The following CSGALNACT1 variants were observed in gnomAD, a reference collection of about 807,000 sequenced individuals.
CSGALNACT1 encodes beta4GalNAcT-1.
CSGALNACT1 carries 52 observed loss-of-function variants against 51.0 expected under a neutral mutation model. The ratio of observed to expected loss-of-function variants is 1.02; its 90% CI spans 0.82 to 1.29. The LOEUF (loss-of-function observed/expected upper bound fraction) is 1.29. CSGALNACT1 is among the 50% of genes most tolerant of loss of function. The probability of loss-of-function intolerance (pLI) is 0.00; values close to 1 mark genes in which losing one functional copy is unlikely to be tolerated. For synonymous variants in CSGALNACT1, 341 were observed against 254.4 expected (o/e 1.34, Z -3.24); for missense variants, 935 against 679.2 (o/e 1.38, Z -4.19).
intron 4 of CSGALNACT1, among the ~76,000 whole-genome samples, chr8:19,474,721 A>T (rs1160524340): frequency 6.6e-6 from 1 of 151,904 alleles, no homozygotes. Flanking sequence ...ATACAAAATT[A>T]GCCAGGTGTG....
intron 3 of CSGALNACT1, among the ~76,000 whole-genome samples, chr8:19,524,167 G>A (rs144864453): frequency 6.6e-6 from 1 of 152,222 alleles, no homozygotes; most frequent in Non-Finnish European, 1.5e-5. Flanking sequence ...GTACATTCCT[G>A]TAGTCCTAGC....
At position 19,655,088 on chromosome 8, in the gene CSGALNACT1, G is replaced by C. The variant is rs1233576477; in HGVS notation, c.-544+27385C>G. Reference sequence around the variant, plus strand: ...AAATGTTAGGGAAGTCATTTTTGTAGAACACCATGGCCTAATCGCTCTTTG... The same window carrying C: ...AAATGTTAGGGAAGTCATTTTTGTACAACACCATGGCCTAATCGCTCTTTG... On this transcript the variant is annotated intron_variant, in intron 1 of 9. Coordinates refer to the CSGALNACT1 transcript ENST00000332246. Among the ~76,000 whole-genome samples, 4 of 152,066 alleles carry C rather than the reference G, an allele frequency of 2.6e-5. No homozygotes were observed. In the South Asian group the frequency reaches 6.2e-4, roughly 24 times the overall value.
At chr8:19,554,262 C>A (rs749033684) in intron 3 of CSGALNACT1, among the ~76,000 whole-genome samples, 2 of 152,128 alleles carry the variant, frequency 1.3e-5, no homozygotes, top group Non-Finnish European at 2.9e-5. Context: ...CACTGCACAT[C>A]AAAAGTCAAT....
intron 3 of CSGALNACT1, among the ~76,000 whole-genome samples, chr8:19,534,938 A>C (rs1313471444): frequency 1.3e-5 from 2 of 152,166 alleles, no homozygotes; most frequent in Non-Finnish European, 1.5e-5. Flanking sequence ...CTCCCAGAAG[A>C]AGCTTCAAAT....
rs539499115 is a variant in CSGALNACT1 at position 19,755,197 on chromosome 8, T to C, written c.-297+2653A>G. 2.6e-5 allele frequency among the ~76,000 whole-genome samples: 4 copies of C among 152,116 alleles called. No individual in the cohort carries two copies. The South Asian group carries it at 8.3e-4, about 32-fold the overall frequency. On this transcript the variant is annotated intron_variant, in intron 1 of 1. Transcript: ENST00000517494. Reference sequence around the variant, plus strand: ...CATTAAGAACAGAGCTAGAGCAACATGAAGATTGGTAAGTATCATTCATCA... The same window carrying C: ...CATTAAGAACAGAGCTAGAGCAACACGAAGATTGGTAAGTATCATTCATCA...
chr8:19,628,535 G>A (rs565614186), intron 1 of CSGALNACT1, among the ~76,000 whole-genome samples: 12 of 152,154 alleles, frequency 7.9e-5, no homozygotes, highest in South Asian at 2.1e-4. Context: ...TTTACAGATC[G>A]GGAAACTAAG....
chr8:19,405,490 G>T (rs1441759306), exon 10 of CSGALNACT1: 1 of 576,798 alleles, frequency 1.7e-6, no homozygotes, highest in Non-Finnish European at 3.3e-6. Flanking sequence ...AGGTCTCAGT[G>T]TGTTGTAAAC....
At chr8:19,601,844 T>C (rs975959305) in exon 2 of CSGALNACT1, 1 of 454,076 alleles carries the variant, frequency 2.2e-6, no homozygotes, top group Admixed American at 2.3e-5. Context: ...CCTTGGCGTC[T>C]TTCCTTGAAA....
At chr8:19,671,537 C>T (rs983078264) in intron 1 of CSGALNACT1, among the ~76,000 whole-genome samples, 1 of 152,188 alleles carries the variant, frequency 6.6e-6, no homozygotes, top group Non-Finnish European at 1.5e-5. Flanking sequence ...TCAGAATCTG[C>T]TACACCCCAA....
At chr8:19,472,502 T>C (rs182602557) in intron 4 of CSGALNACT1, among the ~76,000 whole-genome samples, 1 of 152,252 alleles carries the variant, frequency 6.6e-6, no homozygotes, top group Non-Finnish European at 1.5e-5. Context: ...GATTTTGAAG[T>C]ATCTTTCAAA....
At chr8:19,736,497 A>G (rs2063982622) in intron 1 of CSGALNACT1, among the ~76,000 whole-genome samples, 1 of 149,416 alleles carries the variant, frequency 6.7e-6, no homozygotes, top group Non-Finnish European at 1.5e-5. Flanking sequence ...GGACTGAGAA[A>G]GTCATTAGGT....
chr8:19,662,749 G>A (rs1294448328), intron 1 of CSGALNACT1, among the ~76,000 whole-genome samples: 1 of 152,178 alleles, frequency 6.6e-6, no homozygotes, highest in African/African-American at 2.4e-5. Flanking sequence ...GGTCCACACT[G>A]GTAATGCTCA....
intron 8 of CSGALNACT1, 57 bp from the exon 8 acceptor site, chr8:19,408,751 G>A (rs2054904631): frequency 6.7e-7 from 1 of 1,498,676 alleles, no homozygotes; most frequent in African/African-American, 1.4e-5. Context: ...AAAATAGAGT[G>A]TTCACAAACT....
At chr8:19,505,744 T>G (rs1277936731) in exon 4 of CSGALNACT1, 1 of 1,614,090 alleles carries the variant, frequency 6.2e-7, no homozygotes, top group South Asian at 1.1e-5. Context: ...CAGGCCAACA[T>G]GTACAGGACA....
At chr8:19,727,181 A>T (rs2063445977) in intron 1 of CSGALNACT1, among the ~76,000 whole-genome samples, 1 of 152,194 alleles carries the variant, frequency 6.6e-6, no homozygotes, top group Non-Finnish European at 1.5e-5. Context: ...AGGAAATCAG[A>T]GGGCTTATGG....
intron 1 of CSGALNACT1, among the ~76,000 whole-genome samples, chr8:19,637,984 G>A (rs533465515): frequency 6.6e-6 from 1 of 152,110 alleles, no homozygotes; most frequent in Non-Finnish European, 1.5e-5. Context: ...TTAAACCGAA[G>A]GAAGCAGCAG....
chr8:19,420,638 C>G, intron 6 of CSGALNACT1, 120 bp from the exon 6 acceptor site: 1 of 1,031,622 alleles, frequency 9.7e-7, no homozygotes, highest in Non-Finnish European at 1.5e-6. Flanking sequence ...CCTGAGGGCA[C>G]TGGGACTCCC....
At chr8:19,715,849 T>C (rs1356762728) in intron 1 of CSGALNACT1, among the ~76,000 whole-genome samples, 1 of 152,154 alleles carries the variant, frequency 6.6e-6, no homozygotes, top group Non-Finnish European at 1.5e-5. Flanking sequence ...CAGCCTCACA[T>C]TCCTCTAGTG....
At chr8:19,470,011 A>G (rs1314871976) in intron 4 of CSGALNACT1, among the ~76,000 whole-genome samples, 1 of 152,218 alleles carries the variant, frequency 6.6e-6, no homozygotes, top group East Asian at 1.9e-4. Flanking sequence ...TACCGAGTTG[A>G]CAGAATGTTT....
Sources: gnomAD v4.1 joint callset for allele counts (sites outside exome capture counted in the v4.1 genomes callset) on GRCh38, gnomAD v4.1.1 for gene constraint, MANE v1.5 for transcripts, NCBI Gene and HGNC (gene_info 2026-07-23, HGNC 2026-07-21) for gene names.